The following VAT1L variants were observed in gnomAD, a reference collection of about 807,000 sequenced individuals.
VAT1L encodes putative NADPH-dependent quinone oxidoreductase VAT1L.
Under a neutral mutation model 44.1 loss-of-function variants are expected in VAT1L, and 34 were observed. The observed-to-expected ratio is 0.77, with a 90% confidence interval of 0.59 to 1.03. The LOEUF (loss-of-function observed/expected upper bound fraction) is 1.03. VAT1L is among the 50% of genes least tolerant of loss of function. The probability of loss-of-function intolerance (pLI) is 0.00; values close to 1 mark genes in which losing one functional copy is unlikely to be tolerated. For synonymous variants in VAT1L, 253 were observed against 202.2 expected, an observed-to-expected ratio of 1.25 and a Z score of -2.13; for missense variants, 615 against 538.8, an observed-to-expected ratio of 1.14 and a Z score of -1.40.
chr16:77,902,972 GAAAAAAA>G (rs11307214), intron 7 of VAT1L, among the ~76,000 whole-genome samples: 7 of 96,386 alleles, frequency 7.3e-5, no homozygotes, highest in Admixed American at 5.7e-4. Context: ...GACTCTGTCT[GAAAAAAA>G]AAAAAAAAAA....
chr16:77,799,083 G>T (rs1248069571), intron 1 of VAT1L, among the ~76,000 whole-genome samples: 2 of 152,048 alleles, frequency 1.3e-5, no homozygotes, highest in East Asian at 3.9e-4. Context: ...TGAAAATTTA[G>T]CGAGCCCCAG....
At chr16:77,819,029 T>A (rs2016403954) in intron 2 of VAT1L, among the ~76,000 whole-genome samples, 1 of 151,878 alleles carries the variant, frequency 6.6e-6, no homozygotes, top group Admixed American at 6.6e-5. Context: ...AATCAAATAA[T>A]GAGATGAAGT....
At chr16:77,976,967 G>A (rs533671326) in intron 8 of VAT1L, among the ~76,000 whole-genome samples, 1 of 152,178 alleles carries the variant, frequency 6.6e-6, no homozygotes, top group African/African-American at 2.4e-5. Context: ...TTAAGTGACA[G>A]CATCAAGACT....
At chr16:77,946,276 G>GCTCTTTTTTTTTTTTTTTT (rs1441996306) in intron 7 of VAT1L, among the ~76,000 whole-genome samples, 9 of 33,860 alleles carry the variant, frequency 2.7e-4, no homozygotes, top group Non-Finnish European at 4.5e-4. Context: ...TAGGTTACTT[G>GCTCTTTTTTTTTTTTTTTT]TTCTTTTTTT....
intron 3 of VAT1L, among the ~76,000 whole-genome samples, chr16:77,855,153 A>G (rs891523742): frequency 6.6e-6 from 1 of 152,104 alleles, no homozygotes; most frequent in African/African-American, 2.4e-5. Flanking sequence ...CAGCCTGGCC[A>G]ATATGGTGAA....
chr16:77,920,474 C>A (rs1597099123), intron 7 of VAT1L, among the ~76,000 whole-genome samples: 2 of 152,282 alleles, frequency 1.3e-5, no homozygotes, highest in South Asian at 4.1e-4. Context: ...CACACCTCAT[C>A]AGCATTTGAA....
chr16:77,974,945 G>A (rs2018320063), intron 8 of VAT1L, among the ~76,000 whole-genome samples: 1 of 152,074 alleles, frequency 6.6e-6, no homozygotes, highest in Non-Finnish European at 1.5e-5. Flanking sequence ...CAACCACGTG[G>A]TGGAAAAGAG....
At chr16:77,871,720 A>T (rs2017035035) in intron 4 of VAT1L, among the ~76,000 whole-genome samples, 1 of 152,176 alleles carries the variant, frequency 6.6e-6, no homozygotes, top group South Asian at 2.1e-4. Context: ...AGCCTGGATA[A>T]CAGAGCAAGA....
intron 7 of VAT1L, among the ~76,000 whole-genome samples, chr16:77,962,779 A>AAGGAAGGAAGGAAGGAAGGAAGGAAG (rs1194896172): frequency 2.3e-5 from 1 of 44,210 alleles, no homozygotes; most frequent in Admixed American, 2.1e-4. Flanking sequence ...AAGGAAGGAA[A>AAGGAAGGAAGGAAGGAAGGAAGGAAG]GAAAGAGAAA....
chr16:77,904,995 A>G (rs752402177), intron 7 of VAT1L, among the ~76,000 whole-genome samples: 3 of 152,226 alleles, frequency 2.0e-5, no homozygotes, highest in Non-Finnish European at 2.9e-5. Context: ...TAAAGGAGAA[A>G]TGTAAACCAA....
chr16:77,867,034 T>A (rs1275243403), intron 4 of VAT1L, among the ~76,000 whole-genome samples: 1 of 152,168 alleles, frequency 6.6e-6, no homozygotes, highest in African/African-American at 2.4e-5. Context: ...CCACGCTTTG[T>A]TGCTCTCCTG....
intron 7 of VAT1L, among the ~76,000 whole-genome samples, chr16:77,957,464 C>T (rs184589495): frequency 1.1e-3 from 162 of 152,262 alleles, no homozygotes; most frequent in African/African-American, 3.8e-3. Flanking sequence ...CAGTGGCTCA[C>T]GCCTATAATC....
intron 7 of VAT1L, among the ~76,000 whole-genome samples, chr16:77,894,865 T>C (rs1173417969): frequency 6.6e-6 from 1 of 152,030 alleles, no homozygotes; most frequent in Non-Finnish European, 1.5e-5. Context: ...GGCACAGCCT[T>C]AGAATCTCTG....
intron 8 of VAT1L, among the ~76,000 whole-genome samples, chr16:77,973,757 G>A (rs1021098612): frequency 2.0e-5 from 3 of 149,822 alleles, no homozygotes; most frequent in East Asian, 2.0e-4. Context: ...ATGGGGTCTC[G>A]CTCTGTCGCC....
chr16:77,956,198 A>G (rs1032313016), intron 7 of VAT1L, among the ~76,000 whole-genome samples: 1 of 152,136 alleles, frequency 6.6e-6, no homozygotes, highest in Non-Finnish European at 1.5e-5. Flanking sequence ...CCATAAATAT[A>G]CATACTTACC....
intron 3 of VAT1L, among the ~76,000 whole-genome samples, chr16:77,849,075 G>C (rs2016783728): frequency 6.6e-6 from 1 of 152,166 alleles, no homozygotes. Context: ...AGCATTAGGA[G>C]AAATACCTAA....
At chr16:77,837,638 A>G (rs2016654010) in intron 3 of VAT1L, among the ~76,000 whole-genome samples, 1 of 152,190 alleles carries the variant, frequency 6.6e-6, no homozygotes, top group Non-Finnish European at 1.5e-5. Flanking sequence ...TAAAAATGGT[A>G]TGAAACTTAA....
chr16:77,887,904 T>C (rs899847587), intron 7 of VAT1L, among the ~76,000 whole-genome samples: 1 of 152,164 alleles, frequency 6.6e-6, no homozygotes. Flanking sequence ...AATTCCTCAT[T>C]GAGGTCTGTA....
At chr16:77,845,976 C>T (rs573388221) in intron 3 of VAT1L, among the ~76,000 whole-genome samples, 17 of 152,246 alleles carry the variant, frequency 1.1e-4, no homozygotes, top group African/African-American at 1.9e-4. Context: ...GCAATTATCC[C>T]GGGTCTTCCT....
Sources: gnomAD v4.1 joint callset for allele counts (sites outside exome capture counted in the v4.1 genomes callset) on GRCh38, gnomAD v4.1.1 for gene constraint, MANE v1.5 for transcripts, NCBI Gene and HGNC (gene_info 2026-07-23, HGNC 2026-07-21) for gene names.